DST: variants seen among roughly 807,000 people sequenced by gnomAD.
DST encodes bullous pemphigoid antigen.
In DST, 253 loss-of-function variants were observed where a neutral mutation model predicts 875.2. The observed-to-expected ratio is 0.29, with a 90% CI of 0.26 to 0.32. The LOEUF (loss-of-function observed/expected upper bound fraction) is 0.32, where lower values mean the gene tolerates loss of function less well. DST is among the 10% of genes least tolerant of loss of function. The pLI is 1.00. For synonymous variants in DST, 3,124 were observed against 3,197.1 expected (o/e 0.98, Z 0.77); for missense variants, 8,287 against 9,111.6 (o/e 0.91, Z 3.68).
At chr6:56,918,023 C>T (rs1251646583) in intron 2 of DST, among the ~76,000 whole-genome samples, 2 of 152,102 alleles carry the variant, frequency 1.3e-5, no homozygotes, top group Non-Finnish European at 2.9e-5. Context: ...ATCATCTTGA[C>T]TTCTCCTATA....
At chr6:56,516,159 GAGAAAGAGAAAGAGAA>G (rs1376840716) in intron 71 of DST, among the ~76,000 whole-genome samples, 3 of 101,026 alleles carry the variant, frequency 3.0e-5, no homozygotes, top group Non-Finnish European at 6.5e-5. Flanking sequence ...AAGAGAAAGA[GAGAAAGAGAAAGAGAA>G]AGAAAGAGAA....
intron 2 of DST, among the ~76,000 whole-genome samples, chr6:56,941,102 A>C (rs1194588444): frequency 1.3e-5 from 2 of 151,864 alleles, no homozygotes; most frequent in African/African-American, 2.4e-5. Flanking sequence ...TTTCCCCCCA[A>C]CACCCTCTCC....
At position 56,606,877 on chromosome 6, in the gene DST, G is replaced by T; in HGVS notation, c.7751C>A (p.Thr2584Asn). 1 of 1,613,286 alleles carries T rather than the reference G, an allele frequency of 6.2e-7. No homozygotes were observed. Among genetic ancestry groups the T allele is most frequent in the Non-Finnish European group, 8.5e-7 (1 of 1,179,556 alleles). ...CGTTTCATAGTCACTAGCACTGATG[G>T]TTTCATCAAGCAATGGTGTAGCACA... ...LTCATPLLDE[T>N]ISASDYETSL... Residue 2584 changes from threonine to asparagine, a missense_variant, in exon 40 of 104, where the codon ACC becomes AAC. By Grantham distance (65) the Thr-to-Asn change is moderately conservative (BLOSUM62 0). Around this residue, in one of 10 missense-constraint regions of DST, gnomAD observed 3,138 missense variants for 3,116.6 expected, o/e 1.01. Coordinates refer to ENST00000680361, the MANE Select transcript of DST (RefSeq NM_001374736.1).
chr6:56,467,622 A>G (rs1281552483), intron 98 of DST: 4 of 152,140 alleles, frequency 2.6e-5, no homozygotes, highest in Non-Finnish European at 5.9e-5. Context: ...GAACCAGATA[A>G]TGGGACTAGA....
Position 56,501,635 on chromosome 6 carries a change from G to C in DST, c.19625C>G (p.Ala6542Gly). 21 of 1,609,112 alleles carry C rather than the reference G, an allele frequency of 1.3e-5. No homozygotes were observed. The highest frequency in any genetic ancestry group is 1.8e-5 in the Non-Finnish European group (21 of 1,177,924). The change falls in exon 79 of 104, where the codon GCA (alanine) becomes GGA (glycine). Residue 6542 changes from alanine (A) to glycine (G), a missense_variant. Transcript: ENST00000680361. Reference protein sequence around the residue: ...QIEMERLNHQAELLLKKVTEE... With the variant: ...QIEMERLNHQGELLLKKVTEE... ...TGTTACTTTCTTTAGCAAAAGCTCTGCTTGATGATTCAGTCTTTCCATTTC... is the reference window on the plus strand; with the variant it reads ...TGTTACTTTCTTTAGCAAAAGCTCTCCTTGATGATTCAGTCTTTCCATTTC...
In DST at chr6:56,573,756, C is replaced by T; in HGVS notation, c.13159G>A (p.Val4387Met). The T allele has an allele frequency of 6.2e-7, 1 of 1,613,728 alleles. No homozygotes were observed. The highest frequency in any genetic ancestry group is 8.5e-7 in the Non-Finnish European group (1 of 1,179,728). Reference sequence around the variant, plus strand: ...CCTTGTTCTTTCAGAGAACTTTCCACATTTCCCATCCAGTCCAGCATTTCA... The same window carrying T: ...CCTTGTTCTTTCAGAGAACTTTCCATATTTCCCATCCAGTCCAGCATTTCA... ...LDEMLDWMGN[V>M]ESSLKEQGQV... is the part of the protein sequence containing the mutation. The change falls in exon 51 of 104, where the codon GTG becomes ATG. Residue 4387 changes from valine to methionine, a missense_variant. This residue lies in a region of DST where 1,513 missense variants were observed against 1,677.8 expected (regional missense o/e 0.90). Coordinates refer to ENST00000680361, the MANE Select transcript of DST (RefSeq NM_001374736.1).
At chr6:56,627,616 G>A in intron 33 of DST, among the ~76,000 whole-genome samples, 1 of 152,124 alleles carries the variant, frequency 6.6e-6, no homozygotes, top group East Asian at 1.9e-4. Context: ...AAATCTCAAA[G>A]CATTCAACTT....
At chr6:56,556,077 C>CA (rs1259404518) in intron 59 of DST, among the ~76,000 whole-genome samples, 1 of 151,996 alleles carries the variant, frequency 6.6e-6, no homozygotes, top group Non-Finnish European at 1.5e-5. Context: ...AAAATATGGA[C>CA]AAAATGAACA....
At chr6:56,625,606 G>A (rs1026725986) in intron 34 of DST, among the ~76,000 whole-genome samples, 9 of 151,910 alleles carry the variant, frequency 5.9e-5, no homozygotes, top group Admixed American at 2.0e-4. Context: ...TGTGCTGCCC[G>A]TCACACAAAA....
intron 6 of DST, among the ~76,000 whole-genome samples, chr6:56,704,061 A>G (rs1363203335): frequency 6.6e-6 from 1 of 152,228 alleles, no homozygotes; most frequent in Non-Finnish European, 1.5e-5. Context: ...AGAACTGATT[A>G]TATAAGTGAA....
chr6:56,525,896 C>A (rs767748345), intron 69 of DST, among the ~76,000 whole-genome samples: 5 of 152,102 alleles, frequency 3.3e-5, no homozygotes, highest in Non-Finnish European at 7.4e-5. Flanking sequence ...CAGAAAAAAA[C>A]TTCACATTAC....
intron 36 of DST, chr6:56,616,959 A>G: frequency 6.2e-7 from 1 of 1,604,286 alleles, no homozygotes; most frequent in Non-Finnish European, 8.5e-7. Flanking sequence ...GCTTCTAAAA[A>G]TGCCAAAGCC....
intron 75 of DST, 48 bp downstream of exon 75, chr6:56,508,481 T>G: frequency 6.9e-7 from 1 of 1,457,576 alleles, no homozygotes. Context: ...CTGGATTTCA[T>G]TATGCCACAA....
At chr6:56,813,659 A>C (rs993714100) in intron 4 of DST, among the ~76,000 whole-genome samples, 1 of 152,214 alleles carries the variant, frequency 6.6e-6, no homozygotes. Context: ...TCAGAAAAAC[A>C]TTCTTTTAAG....
intron 36 of DST, chr6:56,616,821 C>A: frequency 6.2e-7 from 1 of 1,614,176 alleles, no homozygotes; most frequent in Non-Finnish European, 8.5e-7. Flanking sequence ...GAATATCCCA[C>A]AGCTGCCTTC....
intron 4 of DST, among the ~76,000 whole-genome samples, chr6:56,829,326 T>C (rs1409989530): frequency 6.6e-6 from 1 of 152,204 alleles, no homozygotes; most frequent in Non-Finnish European, 1.5e-5. Context: ...CATTAATACA[T>C]GTAATGAGAG....
In DST at chr6:56,640,386, G is replaced by A. The variant is rs1421257989; in HGVS notation, c.2247C>T (p.Gly749=). ...PSLTSSSMTS[G]LSSGMTSRLT... ...GGCGGGAAGTCATCCCTGATGACAG[G>A]CCAGAAGTCATACTAGAAGAGGTTA... Residue 749 remains glycine (G), a synonymous_variant, in exon 18 of 104, where the codon GGC becomes GGT. Transcript: ENST00000680361. 3.3e-5 allele frequency: 53 copies of A among 1,614,018 alleles called. No individual in the cohort carries two copies. Among genetic ancestry groups the A allele is most frequent in the Non-Finnish European group, 4.2e-5 (50 of 1,180,002 alleles).
intron 61 of DST, among the ~76,000 whole-genome samples, chr6:56,538,428 T>C (rs1302445266): frequency 6.6e-6 from 1 of 152,118 alleles, no homozygotes; most frequent in African/African-American, 2.4e-5. Context: ...GGGCACTATA[T>C]AAATATACCA....
intron 30 of DST, 43 bp from the exon 31 acceptor site, chr6:56,630,426 T>C (rs1308606166): frequency 1.9e-6 from 3 of 1,574,514 alleles, no homozygotes; most frequent in African/African-American, 2.7e-5. Context: ...GGTTAAATGT[T>C]TATTTTTGCA....
Sources: allele counts gnomAD v4.1 joint callset (sites outside exome capture counted in the v4.1 genomes callset), GRCh38; gene constraint gnomAD v4.1.1; regional missense constraint gnomAD v4.1.1; transcripts MANE v1.5; gene names NCBI Gene and HGNC (gene_info 2026-07-23, HGNC 2026-07-21).